Variants in PCYOX1 observed in about 807,000 individuals in gnomAD.
PCYOX1 encodes prenylcysteine oxidase 1.
PCYOX1 carries 46 observed loss-of-function variants against 46.4 expected under a neutral mutation model. That is an observed-to-expected ratio of 0.99 (90% CI 0.78 to 1.27). PCYOX1 has a LOEUF of 1.27. PCYOX1 is among the 50% of genes most tolerant of loss of function. The pLI is 0.00. For synonymous variants in PCYOX1, 220 were observed against 231.8 expected (o/e 0.95, Z 0.46); for missense variants, 658 against 628.3 (o/e 1.05, Z -0.51).
Position 70,277,440 on chromosome 2 carries a change from GC to G in PCYOX1, c.*49del. On this transcript the variant is annotated 3_prime_UTR_variant, in exon 6 of 6. Coordinates refer to ENST00000433351, the MANE Select transcript of PCYOX1 (RefSeq NM_016297.4). ...TCCTAGTTCCAAATGACTATCAGTGGCAAAAAAGAACAAAATCTGAGCAGAG... is the reference window on the plus strand; with the variant it reads ...TCCTAGTTCCAAATGACTATCAGTGGAAAAAAGAACAAAATCTGAGCAGAG... 1 of 1,438,708 alleles carries G rather than the reference GC, an allele frequency of 7.0e-7. No individual in the cohort carries two copies. Among genetic ancestry groups the G allele is most frequent in the Middle Eastern group, 1.8e-4 (1 of 5,460 alleles). 89.1% of individuals were successfully genotyped at this position (1,438,708 alleles called of 1,614,324 possible). A position where few individuals can be genotyped will look rare whatever the true frequency, so the allele number is the denominator to read the frequency against.
intron 1 of PCYOX1, 57 bp from the exon 2 acceptor site, chr2:70,259,303 C>A: frequency 6.7e-7 from 1 of 1,492,120 alleles, no homozygotes; most frequent in Non-Finnish European, 9.3e-7. Context: ...AAAAACAAAA[C>A]AACTCACAGA....
intron 3 of PCYOX1, among the ~76,000 whole-genome samples, chr2:70,268,314 T>C (rs994001476): frequency 4.6e-5 from 7 of 152,146 alleles, no homozygotes; most frequent in Non-Finnish European, 7.3e-5. Flanking sequence ...ATTTCATTAA[T>C]AGAGATTTAT....
At chr2:70,266,330 G>A (rs1331956347) in intron 3 of PCYOX1, among the ~76,000 whole-genome samples, 2 of 152,068 alleles carry the variant, frequency 1.3e-5, no homozygotes, top group Non-Finnish European at 2.9e-5. Context: ...AGGAATGCAG[G>A]TGGCCTGTAG....
chr2:70,271,387 A>G (rs1307062249), intron 3 of PCYOX1, among the ~76,000 whole-genome samples: 2 of 151,332 alleles, frequency 1.3e-5, no homozygotes, highest in Non-Finnish European at 2.9e-5. Context: ...CATTACTACA[A>G]ATTACTTGTT....
At chr2:70,273,279 C>G (rs771255753) in intron 3 of PCYOX1, among the ~76,000 whole-genome samples, 4 of 152,128 alleles carry the variant, frequency 2.6e-5, no homozygotes, top group Non-Finnish European at 5.9e-5. Flanking sequence ...CTGAAGAATT[C>G]AGTGTTTCCA....
Position 70,258,184 on chromosome 2 carries a change from A to C in PCYOX1, c.20A>C (p.Glu7Ala). ...GAGGCCATGGGGCGCGTCGTCGCGG[A>C]GCTCGTCTCCTCGCTGCTGGGGTTG... MGRVVA[E>A]LVSSLLGLWL... is the part of the protein sequence containing the mutation. The change falls in exon 1 of 6, where the codon GAG (glutamate) becomes GCG (alanine). Residue 7 changes from glutamate (E) to alanine (A), a missense_variant. Physicochemically the swap from Glu to Ala is moderately radical, Grantham distance 107. Coordinates refer to ENST00000433351, the MANE Select transcript of PCYOX1 (RefSeq NM_016297.4). 1 of 1,596,916 alleles carries C rather than the reference A, an allele frequency of 6.3e-7. No homozygotes were observed.
Position 70,279,449 on chromosome 2 carries a change from GT to G in PCYOX1, c.*2061del, listed in dbSNP as rs1696733703. On this transcript the variant is annotated 3_prime_UTR_variant, in exon 6 of 6. Transcript: ENST00000433351. ...ATTAATTTCCATCATTTGTAGACTT[GT>G]TTTGCAATGGGATATATTTTTACTT... 1 of 152,190 alleles carries G rather than the reference GT, an allele frequency of 6.6e-6. No homozygotes were observed. The highest frequency in any genetic ancestry group is 1.5e-5 in the Non-Finnish European group (1 of 68,040). 9.4% of individuals were successfully genotyped at this position (152,190 alleles called of 1,614,324 possible).
intron 3 of PCYOX1, among the ~76,000 whole-genome samples, chr2:70,269,747 A>ACGTGCCCT (rs144960941): frequency 0.026 from 4,017 of 152,194 alleles, 359 homozygotes; most frequent in Admixed American, 0.17. Flanking sequence ...ACACGTGGAC[A>ACGTGCCCT]CGTGCCCTCA....
intron 3 of PCYOX1, among the ~76,000 whole-genome samples, chr2:70,270,988 A>G (rs1696593385): frequency 6.6e-6 from 1 of 152,110 alleles, no homozygotes; most frequent in Admixed American, 6.6e-5. Context: ...TGGCCTCCCA[A>G]AGTGCTGGGA....
intron 3 of PCYOX1, among the ~76,000 whole-genome samples, chr2:70,263,188 C>T (rs148712822): frequency 6.0e-5 from 9 of 150,830 alleles, no homozygotes; most frequent in Non-Finnish European, 7.4e-5. Context: ...GAGCCACGAT[C>T]GTGCCATTAC....
intron 3 of PCYOX1, among the ~76,000 whole-genome samples, chr2:70,264,528 T>C (rs1696486438): frequency 1.3e-5 from 2 of 151,442 alleles, no homozygotes; most frequent in Non-Finnish European, 2.9e-5. Flanking sequence ...GGTTTTACCA[T>C]GTTGGCTAGG....
Position 70,277,617 on chromosome 2 carries a change from C to G in PCYOX1, c.*225C>G, listed in dbSNP as rs973147322. 9 of 437,130 alleles carry G rather than the reference C, an allele frequency of 2.1e-5. No individual in the cohort carries two copies. Among genetic ancestry groups the G allele is most frequent in the Non-Finnish European group, 3.7e-5 (9 of 246,538 alleles). 27.1% of individuals were successfully genotyped at this position (437,130 alleles called of 1,614,324 possible). ...AATTTCTTAAGTATTCTTTCACTAT[C>G]CATTAGGAGTTTTTCTTAAACTTGT... On this transcript the variant is annotated 3_prime_UTR_variant, in exon 6 of 6. Coordinates refer to ENST00000433351, the MANE Select transcript of PCYOX1 (RefSeq NM_016297.4).
chr2:70,267,175 C>G (rs1167070195), intron 3 of PCYOX1, among the ~76,000 whole-genome samples: 4 of 151,778 alleles, frequency 2.6e-5, no homozygotes, highest in Non-Finnish European at 5.9e-5. Flanking sequence ...CAGAGGCGCT[C>G]TTCACATCTC....
At chr2:70,273,807 T>C (rs1271278620) in intron 3 of PCYOX1, among the ~76,000 whole-genome samples, 1 of 152,232 alleles carries the variant, frequency 6.6e-6, no homozygotes, top group Admixed American at 6.5e-5. Context: ...TATTTTTCTT[T>C]TTGGTCAAGT....
chr2:70,277,144 T>A lies in PCYOX1; in HGVS notation c.1270T>A (p.Ser424Thr). 6.2e-7 allele frequency: 1 copy of A among 1,614,174 alleles called. No homozygotes were observed. The highest frequency in any genetic ancestry group is 8.5e-7 in the Non-Finnish European group (1 of 1,180,028). ...AGCACAAATTTTAAAGCTCTTTCTG[T>A]CCTATGATTATGCTGTGAAGAAGCC... ...TKAQILKLFL[S>T]YDYAVKKPWL... Residue 424 changes from serine to threonine, a missense_variant, in exon 6 of 6, where the codon TCC (serine) becomes ACC (threonine). Physicochemically the swap from Ser to Thr is moderately conservative, Grantham distance 58. Coordinates refer to ENST00000433351, the MANE Select transcript of PCYOX1 (RefSeq NM_016297.4).
chr2:70,268,613 CATGGTGAA>C (rs1480432602), intron 3 of PCYOX1, among the ~76,000 whole-genome samples: 1 of 152,024 alleles, frequency 6.6e-6, no homozygotes, highest in African/African-American at 2.4e-5. Context: ...GCCTGACCAA[CATGGTGAA>C]ACCCCTTCTC....
intron 4 of PCYOX1, 151 bp downstream of exon 4, chr2:70,275,321 G>T: frequency 2.4e-6 from 2 of 837,296 alleles, no homozygotes; most frequent in Non-Finnish European, 3.8e-6. Context: ...ATGTAGATGT[G>T]CATTTTTAGG....
chr2:70,262,892 A>G (rs1445911313), intron 3 of PCYOX1, among the ~76,000 whole-genome samples: 2 of 152,160 alleles, frequency 1.3e-5, no homozygotes, highest in African/African-American at 4.8e-5. Flanking sequence ...GGGAAAAACA[A>G]AACAAAACAA....
intron 3 of PCYOX1, 146 bp from the exon 4 acceptor site, chr2:70,274,813 C>A (rs996192788): frequency 3.2e-6 from 2 of 634,392 alleles, no homozygotes; most frequent in African/African-American, 3.6e-5. Context: ...ACCTGCCCAC[C>A]TCTGCCTCCC....
Sources: gnomAD v4.1 joint callset for allele counts (sites outside exome capture counted in the v4.1 genomes callset) on GRCh38, gnomAD v4.1.1 for gene constraint, MANE v1.5 for transcripts, NCBI Gene and HGNC (gene_info 2026-07-23, HGNC 2026-07-21) for gene names.